PCF11: variants seen among roughly 807,000 people sequenced by gnomAD.
The protein encoded by PCF11 is PCF11 cleavage and polyadenylation factor subunit.
In PCF11, 19 loss-of-function variants were observed where a neutral mutation model predicts 166.1. That is an observed-to-expected ratio of 0.11 (90% CI 0.08 to 0.17). The LOEUF (loss-of-function observed/expected upper bound fraction) is 0.17. PCF11 is among the 10% of genes least tolerant of loss of function. The pLI is 1.00. For synonymous variants in PCF11, 663 were observed against 644.1 expected, an observed-to-expected ratio of 1.03 and a Z score of -0.44; for missense variants, 1,565 against 1,855.5, an observed-to-expected ratio of 0.84 and a Z score of 2.88.
At chr11:83,165,059 C>CA (rs1860397582) in intron 4 of PCF11, among the ~76,000 whole-genome samples, 3 of 152,096 alleles carry the variant, frequency 2.0e-5, no homozygotes, top group African/African-American at 7.2e-5. Context: ...GCTTATGCTC[C>CA]ATGAACAGAA....
exon 11 of PCF11, chr11:83,177,806 G>A: frequency 6.7e-7 from 1 of 1,483,700 alleles, no homozygotes; most frequent in Non-Finnish European, 9.2e-7. Context: ...TTTTACAGTT[G>A]AAGAATTGAA....
chr11:83,166,602 A>G, exon 5 of PCF11: 1 of 1,613,968 alleles, frequency 6.2e-7, no homozygotes, highest in Non-Finnish European at 8.5e-7. Flanking sequence ...ACCACAAGAA[A>G]CTACAAATCA....
chr11:83,166,184 G>C (rs765603567), exon 5 of PCF11: 18 of 1,608,592 alleles, frequency 1.1e-5, no homozygotes. Flanking sequence ...CAGAAAAAAA[G>C]GATAAAGATG....
intron 1 of PCF11, among the ~76,000 whole-genome samples, chr11:83,159,832 C>A (rs1225458862): frequency 6.6e-6 from 1 of 152,134 alleles, no homozygotes; most frequent in Non-Finnish European, 1.5e-5. Context: ...TAATTTGACT[C>A]CTCCCAAGAG....
At chr11:83,178,181 A>G (rs1860953021) in intron 11 of PCF11, among the ~76,000 whole-genome samples, 1 of 151,824 alleles carries the variant, frequency 6.6e-6, no homozygotes, top group South Asian at 2.1e-4. Context: ...CACCATACCC[A>G]GCTAATTTTT....
Position 83,167,398 on chromosome 11 carries a change from T to TA in PCF11, c.2002-17_2002-16insA, listed in dbSNP as rs1326827309. On this transcript the variant is annotated splice_polypyrimidine_tract_variant and intron_variant, in intron 6 of 15. Coordinates refer to ENST00000298281, the Ensembl canonical transcript of PCF11. The surrounding 1 kb of genome is among the most constrained non-coding windows in gnomAD (Gnocchi z 4.2). ...TATATTTAAAATATTTTATTTCCTTTTATCACCCCTATACAGACGAGTGAA... is the reference window on the plus strand; with the variant it reads ...TATATTTAAAATATTTTATTTCCTTTATATCACCCCTATACAGACGAGTGAA... 1.2e-5 allele frequency: 19 copies of TA among 1,547,004 alleles called. No homozygotes were observed. The highest frequency in any genetic ancestry group is 1.6e-5 in the Non-Finnish European group (18 of 1,152,370).
intron 15 of PCF11, among the ~76,000 whole-genome samples, 191 bp downstream of exon 15, chr11:83,183,264 A>T (rs1479761490): frequency 6.6e-6 from 1 of 152,156 alleles, no homozygotes; most frequent in African/African-American, 2.4e-5. Flanking sequence ...ATATATGAAT[A>T]TCATTTTCTG....
exon 8 of PCF11, chr11:83,168,812 G>A: frequency 6.2e-7 from 1 of 1,613,768 alleles, no homozygotes; most frequent in South Asian, 1.1e-5. Flanking sequence ...GGTCCTCCAG[G>A]ACCAGTGGGG....
chr11:83,168,351 A>G, intron 7 of PCF11, 77 bp from the exon 8 acceptor site: 1 of 1,308,938 alleles, frequency 7.6e-7, no homozygotes, highest in Non-Finnish European at 1.0e-6. Flanking sequence ...ATAGTTATAT[A>G]TTTGGATAAA....
At chr11:83,165,910 T>G in exon 5 of PCF11, 1 of 1,607,762 alleles carries the variant, frequency 6.2e-7, no homozygotes, top group Non-Finnish European at 8.5e-7. Context: ...TCTGAAAAAC[T>G]AAATTCATCC....
intron 1 of PCF11, chr11:83,158,879 G>A (rs925102232): frequency 1.3e-5 from 2 of 152,156 alleles, no homozygotes; most frequent in Non-Finnish European, 2.9e-5. Flanking sequence ...TATAAAATAT[G>A]TATTTGTCTT....
chr11:83,178,155 G>A (rs553961983), intron 11 of PCF11, among the ~76,000 whole-genome samples: 12 of 152,062 alleles, frequency 7.9e-5, no homozygotes, highest in Admixed American at 3.3e-4. Flanking sequence ...ATTCTCCTGG[G>A]ATTACAGGTG....
In PCF11 at chr11:83,157,450, A is replaced by G; in HGVS notation, c.11A>G (p.Gln4Arg). Reference sequence around the variant, plus strand: ...GGGGGCCGCGGCGCAATGTCAGAGCAGACGCCGGCCGAGGCCGGTGCTGCG... The same window carrying G: ...GGGGGCCGCGGCGCAATGTCAGAGCGGACGCCGGCCGAGGCCGGTGCTGCG... Residue 4 changes from glutamine (Q) to arginine (R), a missense_variant, in exon 1 of 16, where the codon CAG (glutamine) becomes CGG (arginine). By Grantham distance (43) the Gln-to-Arg change is conservative. Coordinates refer to ENST00000298281, the Ensembl canonical transcript of PCF11. 2.5e-6 allele frequency: 4 copies of G among 1,610,158 alleles called. No homozygotes were observed. In the South Asian group the frequency reaches 4.4e-5, roughly 18 times the overall value.
At chr11:83,157,361 A>C (rs915508653) in exon 1 of PCF11, 23 of 1,279,816 alleles carry the variant, frequency 1.8e-5, no homozygotes, top group Non-Finnish European at 2.4e-5. Context: ...GGAGAGGAAG[A>C]GGAGTCGGAA....
exon 5 of PCF11, chr11:83,166,252 G>T: frequency 6.2e-7 from 1 of 1,613,216 alleles, no homozygotes. Flanking sequence ...ATCATAAATG[G>T]CATTGTACAA....
At position 83,183,004 on chromosome 11, in the gene PCF11, A is replaced by G. The variant is rs772290886; in HGVS notation, c.4417-34A>G. On this transcript the variant is annotated intron_variant, in intron 14 of 15. Transcript: ENST00000298281. Reference sequence around the variant, plus strand: ...TCAGAATAGCCCATTAGAAATGAATACGCACATATTTACTTTTTTTCTTTT... The same window carrying G: ...TCAGAATAGCCCATTAGAAATGAATGCGCACATATTTACTTTTTTTCTTTT... The G allele has an allele frequency of 2.5e-6, 3 of 1,184,660 alleles. No individual in the cohort carries two copies. The Admixed American group carries it at 6.6e-5, about 26-fold the overall frequency. The allele number at this position is 1,184,660 out of a possible 1,614,324, so 73.4% of individuals were successfully genotyped here. A position where few individuals can be genotyped will look rare whatever the true frequency, so the allele number is the denominator to read the frequency against.
At chr11:83,183,361 G>A (rs986687600) in intron 15 of PCF11, among the ~76,000 whole-genome samples, 1 of 152,048 alleles carries the variant, frequency 6.6e-6, no homozygotes, top group African/African-American at 2.4e-5. Flanking sequence ...TAGTCCACTA[G>A]GCCCAAAGAA....
At chr11:83,165,228 T>G (rs1943345) in intron 4 of PCF11, among the ~76,000 whole-genome samples, 35,824 of 152,174 alleles carry the variant, frequency 0.24, 4,876 homozygotes, top group East Asian at 0.53. Context: ...AGAAACTAAA[T>G]TTTAGGACTT....
exon 16 of PCF11, chr11:83,185,138 A>G (rs973972737): frequency 2.9e-6 from 1 of 348,496 alleles, no homozygotes; most frequent in African/African-American, 2.1e-5. Context: ...ATGAAATTGT[A>G]TGTGTAAAAA....
Sources: gnomAD v4.1 joint callset for allele counts (sites outside exome capture counted in the v4.1 genomes callset) on GRCh38, gnomAD v4.1.1 for gene constraint, Gnocchi (gnomAD v3.1) non-coding constraint, MANE v1.5 for transcripts, NCBI Gene and HGNC (gene_info 2026-07-23, HGNC 2026-07-21) for gene names.